Variants in SPATA13 observed in about 807,000 individuals in gnomAD.
SPATA13 encodes spermatogenesis-associated protein 13.
Under a neutral mutation model 104.0 loss-of-function variants are expected in SPATA13, and 50 were observed. That is an observed-to-expected ratio of 0.48 (90% CI 0.38 to 0.61). The LOEUF (loss-of-function observed/expected upper bound fraction) is 0.61. Ranked by LOEUF, SPATA13 falls within the 20% of genes least tolerant of loss-of-function variation. The pLI is 0.00. For missense variants in SPATA13, 1,524 were observed against 1,690.6 expected, an observed-to-expected ratio of 0.90 and a Z score of 1.73; for synonymous variants, 606 against 667.5, an observed-to-expected ratio of 0.91 and a Z score of 1.42.
intron 3 of SPATA13, among the ~76,000 whole-genome samples, chr13:24,032,725 C>G (rs1877528327): frequency 6.6e-6 from 1 of 152,140 alleles, no homozygotes; most frequent in Admixed American, 6.5e-5. Context: ...TAAGTTTGCC[C>G]TAAAATGTGA....
intron 3 of SPATA13, among the ~76,000 whole-genome samples, chr13:24,057,026 TC>T (rs545796401): frequency 0.12 from 17,339 of 146,760 alleles, 1,376 homozygotes; most frequent in East Asian, 0.32. Flanking sequence ...TCTCTCTCTC[TC>T]TCTCTTTCTT....
chr13:24,209,347 T>C (rs1204120001), intron 1 of SPATA13, among the ~76,000 whole-genome samples: 1 of 152,210 alleles, frequency 6.6e-6, no homozygotes, highest in Non-Finnish European at 1.5e-5. Context: ...AGCGTTTTTG[T>C]TGAAACTAGA....
chr13:24,168,001 A>G (rs1233853831), intron 1 of SPATA13, among the ~76,000 whole-genome samples: 2 of 152,148 alleles, frequency 1.3e-5, no homozygotes, highest in Non-Finnish European at 2.9e-5. Context: ...CTTAATTTAT[A>G]ATGGTAGCCT....
intron 2 of SPATA13, among the ~76,000 whole-genome samples, chr13:24,000,473 T>A (rs1875905091): frequency 1.3e-5 from 2 of 152,192 alleles, no homozygotes; most frequent in African/African-American, 4.8e-5. Context: ...ACACAAGGAA[T>A]GACTTTCAGG....
At chr13:24,158,583 C>T (rs1477404789), upstream of SPATA13, among the ~76,000 whole-genome samples, 1 of 152,172 alleles carries the variant, frequency 6.6e-6, no homozygotes, top group African/African-American at 2.4e-5. Flanking sequence ...ATCCTGCCTT[C>T]CTCTAATAGA....
intron 1 of SPATA13, among the ~76,000 whole-genome samples, chr13:24,177,392 C>T (rs1005426938): frequency 2.6e-5 from 4 of 152,176 alleles, no homozygotes; most frequent in African/African-American, 9.7e-5. Flanking sequence ...TCACTGTCGG[C>T]GTGAATGCCT....
rs573688274 is a variant in SPATA13 at position 24,278,998 on chromosome 13, C to T, written c.2165-5137C>T. On this transcript the variant is annotated intron_variant, in intron 4 of 12. Transcript: ENST00000382108. Reference sequence around the variant, plus strand: ...CCTCCCTCCCTCCCTCCCTCCCTTCCTTCCTTCCTTCCCTGCCTCCCATGT... The same window carrying T: ...CCTCCCTCCCTCCCTCCCTCCCTTCTTTCCTTCCTTCCCTGCCTCCCATGT... Among the ~76,000 whole-genome samples the T allele has an allele frequency of 6.1e-5, 9 of 147,540 alleles. No individual in the cohort carries two copies. In the East Asian group the frequency reaches 1.9e-3, roughly 31 times the overall value.
At chr13:24,198,144 C>T (rs1008300637) in intron 1 of SPATA13, among the ~76,000 whole-genome samples, 15 of 152,176 alleles carry the variant, frequency 9.9e-5, no homozygotes, top group East Asian at 5.8e-4. Context: ...TACAGGCGCC[C>T]GCCACCATGC....
At chr13:24,295,675 C>G (rs1406530391) in intron 10 of SPATA13, among the ~76,000 whole-genome samples, 1 of 1,040 alleles carries the variant, frequency 9.6e-4, no homozygotes, top group Non-Finnish European at 5.2e-3. Context: ...TTCTCACTCT[C>G]TCTCTCTCTC....
In SPATA13 at chr13:24,088,961, G is replaced by A. The variant is rs1431438328; in HGVS notation, c.-112+71260G>A. The stretch of plus-strand genomic sequence containing the variant: ...ATCTGGGTCTGGAGACAGGGATGCG[G>A]TCATCGACAGCTCTGGGTTTATGAC... On this transcript the variant is annotated intron_variant, in intron 3 of 14. Transcript: ENST00000424834. This position sits in a 1 kb window ranked among gnomAD's most constrained non-coding sequence, Gnocchi z 4.3. 6.6e-6 allele frequency among the ~76,000 whole-genome samples: 1 copy of A among 152,206 alleles called. No individual in the cohort carries two copies. The highest frequency in any genetic ancestry group is 1.5e-5 in the Non-Finnish European group (1 of 68,042).
At position 24,080,969 on chromosome 13, in the gene SPATA13, T is replaced by C. The variant is rs187641481; in HGVS notation, c.-112+63268T>C. Among the ~76,000 whole-genome samples, 695 of 152,306 alleles carry C rather than the reference T, an allele frequency of 4.6e-3. 8 individuals carry two copies. Among genetic ancestry groups the C allele is most frequent in the Admixed American group, 0.01 (159 of 15,302 alleles). Reference sequence around the variant, plus strand: ...CTCCTAATAAGTTCCCAATGCTCCCTTTTGTCATTCCGAGGGTTCTGTCAT... The same window carrying C: ...CTCCTAATAAGTTCCCAATGCTCCCCTTTGTCATTCCGAGGGTTCTGTCAT... On this transcript the variant is annotated intron_variant, in intron 3 of 14. Transcript: ENST00000424834.
At chr13:24,049,561 A>G (rs889441932) in intron 3 of SPATA13, among the ~76,000 whole-genome samples, 6 of 152,220 alleles carry the variant, frequency 3.9e-5, no homozygotes, top group Non-Finnish European at 5.9e-5. Flanking sequence ...TGGTGGTCAC[A>G]GTAACGTTTA....
At chr13:24,169,600 T>A (rs553916785) in intron 1 of SPATA13, among the ~76,000 whole-genome samples, 1 of 152,214 alleles carries the variant, frequency 6.6e-6, no homozygotes, top group African/African-American at 2.4e-5. Flanking sequence ...CTTCCCGAGG[T>A]CATGTGGCTC....
chr13:24,213,105 G>A (rs549603016), intron 1 of SPATA13, among the ~76,000 whole-genome samples: 1 of 152,336 alleles, frequency 6.6e-6, no homozygotes, highest in Admixed American at 6.5e-5. Context: ...GGAGAAGTTG[G>A]AGGAGGAAGA....
rs749041468 is a variant in SPATA13 at position 24,297,452 on chromosome 13, G to C, written c.3300G>C (p.Thr1100=). 6.2e-7 allele frequency: 1 copy of C among 1,614,066 alleles called. No homozygotes were observed. Among genetic ancestry groups the C allele is most frequent in the Non-Finnish European group, 8.5e-7 (1 of 1,180,044 alleles). ...AGCAAGGCAAAAGCCAGCAGCGGAC[G>C]TTCTTCCTGTTTGACCACCAGCTGG... is the stretch of plus-strand genomic sequence containing the variant. The part of the protein sequence containing the change: ...ITKQGKSQQR[T]FFLFDHQLVS... The change falls in exon 11 of 13, where the codon ACG becomes ACC. Residue 1100 remains threonine (T), a synonymous_variant. Transcript: ENST00000382108.
chr13:24,139,639 A>G (rs1208355053), intron 3 of SPATA13, among the ~76,000 whole-genome samples: 1 of 152,234 alleles, frequency 6.6e-6, no homozygotes, highest in Admixed American at 6.5e-5. Flanking sequence ...CTAAACACCA[A>G]CTGGAACTAC....
At chr13:24,220,183 G>GCACTGAAATACAGAT (rs1566156797) in intron 1 of SPATA13, among the ~76,000 whole-genome samples, 1 of 152,170 alleles carries the variant, frequency 6.6e-6, no homozygotes, top group Non-Finnish European at 1.5e-5. Flanking sequence ...TCTGTAGACA[G>GCACTGAAATACAGAT]CACTGAAATA....
At chr13:24,159,338 A>G (rs1882370219), upstream of SPATA13, among the ~76,000 whole-genome samples, 4 of 152,220 alleles carry the variant, frequency 2.6e-5, no homozygotes, top group Admixed American at 6.5e-5. Flanking sequence ...AATTTCAATA[A>G]CAATTCAAAG....
At chr13:24,299,323 A>G (rs1877014129) in intron 11 of SPATA13, among the ~76,000 whole-genome samples, 2 of 152,314 alleles carry the variant, frequency 1.3e-5, no homozygotes, top group Admixed American at 1.3e-4. Flanking sequence ...CAGTGCTCAG[A>G]GATGCAAGTG....
Sources: gnomAD v4.1 joint callset for allele counts (sites outside exome capture counted in the v4.1 genomes callset) on GRCh38, gnomAD v4.1.1 for gene constraint, Gnocchi (gnomAD v3.1) non-coding constraint, MANE v1.5 for transcripts, NCBI Gene and HGNC (gene_info 2026-07-23, HGNC 2026-07-21) for gene names.